Variants in CACNA1I observed in about 807,000 individuals in gnomAD.
The protein encoded by CACNA1I is calcium voltage-gated channel subunit alpha1 I, also known as voltage-dependent T-type calcium channel subunit alpha-1I.
A neutral mutation model predicts 201.6 loss-of-function variants in CACNA1I; 74 were observed. The ratio of observed to expected loss-of-function variants is 0.37; its 90% CI spans 0.30 to 0.45. The LOEUF is 0.45. CACNA1I is among the 20% of genes least tolerant of loss of function. CACNA1I has a pLI of 1.00. For missense variants in CACNA1I, 2,346 were observed against 3,138.1 expected (o/e 0.75, Z 6.03); for synonymous variants, 1,431 against 1,345.2 (o/e 1.06, Z -1.40).
intron 27 of CACNA1I, 52 bp from the exon 28 acceptor site, chr22:39,672,897 C>T: frequency 6.4e-7 from 1 of 1,568,888 alleles, no homozygotes; most frequent in Non-Finnish European, 8.7e-7. Context: ...GTGTCTGAAC[C>T]AGAGGGATCC....
chr22:39,646,534 T>C, intron 7 of CACNA1I, 35 bp from the exon 8 acceptor site: 1 of 1,506,452 alleles, frequency 6.6e-7, no homozygotes, highest in Non-Finnish European at 8.9e-7. Flanking sequence ...TCCATCCCTG[T>C]CCCTGTCCCT....
Position 39,662,574 on chromosome 22 carries a change from G to C in CACNA1I, c.3372+139G>C, listed in dbSNP as rs898604616. The C allele has an allele frequency of 4.1e-6, 3 of 732,318 alleles. No individual in the cohort carries two copies. The African/African-American group carries it at 5.4e-5, about 13-fold the overall frequency. 45.4% of individuals were successfully genotyped at this position (732,318 alleles called of 1,614,324 possible). A position where few individuals can be genotyped will look rare whatever the true frequency, so the allele number is the denominator to read the frequency against. ...GTGGCCGGAGCGGCTAGGGCTTCAG[G>C]TGTGAGGCAGGAGGGGTGGGGCCAG... On this transcript the variant is annotated intron_variant, in intron 17 of 36. Coordinates refer to ENST00000402142, the MANE Select transcript of CACNA1I (RefSeq NM_021096.4).
intron 1 of CACNA1I, among the ~76,000 whole-genome samples, chr22:39,592,586 C>T (rs3788560): frequency 0.057 from 8,624 of 152,254 alleles, 276 homozygotes; most frequent in Non-Finnish European, 0.062. Flanking sequence ...CTTGGATGCC[C>T]GTCGCAGGGC....
chr22:39,636,466 G>A (rs1308333635), intron 5 of CACNA1I, among the ~76,000 whole-genome samples: 2 of 152,352 alleles, frequency 1.3e-5, no homozygotes, highest in Non-Finnish European at 2.9e-5. Flanking sequence ...CTCTTAGGGT[G>A]GGTGTTATTA....
rs781699909 is a variant in CACNA1I at position 39,642,782 on chromosome 22, C to T, written c.1057-15C>T. ...GGGCCAGTCCTCTCGGCTCTCTCTC[C>T]TCTGCGCGCTGCAGGTGATCACTCT... On this transcript the variant is annotated splice_polypyrimidine_tract_variant and intron_variant, in intron 6 of 36. Coordinates refer to ENST00000402142, the MANE Select transcript of CACNA1I (RefSeq NM_021096.4). 14 of 1,593,108 alleles carry T rather than the reference C, an allele frequency of 8.8e-6. No individual in the cohort carries two copies. Among genetic ancestry groups the T allele is most frequent in the African/African-American group, 4.0e-5 (3 of 74,696 alleles).
chr22:39,598,342 C>G, intron 2 of CACNA1I, 80 bp downstream of exon 2: 1 of 706,210 alleles, frequency 1.4e-6, no homozygotes, highest in Non-Finnish European at 2.4e-6. Context: ...TCCACACCCC[C>G]GCCCCATGTC....
intron 1 of CACNA1I, among the ~76,000 whole-genome samples, chr22:39,576,824 G>C (rs181148797): frequency 2.0e-5 from 3 of 152,330 alleles, no homozygotes; most frequent in Non-Finnish European, 4.4e-5. Flanking sequence ...CCGCCTCTGT[G>C]CCTTCGTGTT....
In CACNA1I at chr22:39,662,782, T is replaced by C; in HGVS notation, c.3379T>C (p.Cys1127Arg). Reference sequence around the variant, plus strand: ...TCCGTCCTCCTCTTGCTAGACCCTGTGCTTCCGCGTCCGCAAGATGATCGA... The same window carrying C: ...TCCGTCCTCCTCTTGCTAGACCCTGCGCTTCCGCGTCCGCAAGATGATCGA... ...EDEEEIDYTL[C>R]FRVRKMIDVY... The change falls in exon 18 of 37, where the codon TGC becomes CGC. Residue 1127 changes from cysteine to arginine, a missense_variant. Cys to Arg is a radical substitution (Grantham distance 180). Around this residue, in one of 13 missense-constraint regions of CACNA1I, gnomAD observed 158 missense variants for 231.6 expected, o/e 0.68. Transcript: ENST00000402142. The C allele has an allele frequency of 6.3e-7, 1 of 1,582,998 alleles. No homozygotes were observed. Among genetic ancestry groups the C allele is most frequent in the Non-Finnish European group, 8.6e-7 (1 of 1,164,720 alleles).
At chr22:39,587,652 T>A (rs1383828386) in intron 1 of CACNA1I, 1 of 409,168 alleles carries the variant, frequency 2.4e-6, no homozygotes, top group Non-Finnish European at 4.8e-6. Flanking sequence ...ACTGTGTCCT[T>A]GGGCAAGGCT....
chr22:39,673,732 G>A (rs569367308), intron 28 of CACNA1I, among the ~76,000 whole-genome samples: 7 of 152,138 alleles, frequency 4.6e-5, no homozygotes, highest in East Asian at 1.9e-4. Context: ...CCCCGTCCTC[G>A]GGGGCTTTTC....
At chr22:39,658,035 G>T in intron 10 of CACNA1I, 117 bp from the exon 11 acceptor site, 2 of 1,012,268 alleles carry the variant, frequency 2.0e-6, no homozygotes, top group South Asian at 1.5e-5. Context: ...GGGAGACGGA[G>T]GTATGGTGAG....
chr22:39,588,128 ATTTTTTTTT>A (rs35332612), intron 1 of CACNA1I, among the ~76,000 whole-genome samples: 1 of 90,564 alleles, frequency 1.1e-5, no homozygotes, highest in African/African-American at 4.5e-5. Context: ...GTTGCTCTTC[ATTTTTTTTT>A]TTTTTTTTTT....
At chr22:39,583,031 ACCAT>A (rs59155285) in intron 1 of CACNA1I, among the ~76,000 whole-genome samples, 23,603 of 116,166 alleles carry the variant, frequency 0.2, 2,946 homozygotes, top group African/African-American at 0.38. Flanking sequence ...CAAGCACCCA[ACCAT>A]CCATCCATCC....
intron 24 of CACNA1I, among the ~76,000 whole-genome samples, chr22:39,668,604 C>A (rs142107880): frequency 7.3e-4 from 111 of 152,312 alleles, no homozygotes; most frequent in African/African-American, 2.6e-3. Context: ...GCAAACCCCC[C>A]CACTTTGTGT....
intron 5 of CACNA1I, among the ~76,000 whole-genome samples, chr22:39,635,689 G>A (rs941431): frequency 0.37 from 55,733 of 151,912 alleles, 11,259 homozygotes; most frequent in East Asian, 0.9. Context: ...CCCCAGAAGA[G>A]GCAGGTCCTG....
chr22:39,683,816 T>C (rs563998637), intron 35 of CACNA1I, among the ~76,000 whole-genome samples: 1 of 149,846 alleles, frequency 6.7e-6, no homozygotes, highest in East Asian at 2.0e-4. Flanking sequence ...GTGTAGCGCC[T>C]GACCCGGGGC....
At chr22:39,596,039 C>CAA (rs1182522477) in intron 1 of CACNA1I, among the ~76,000 whole-genome samples, 1 of 147,098 alleles carries the variant, frequency 6.8e-6, no homozygotes, top group African/African-American at 2.5e-5. Flanking sequence ...ACAGCACATG[C>CAA]AAAGGCCCTG....
In CACNA1I at chr22:39,677,002, C is replaced by T. The variant is rs1298883370; in HGVS notation, c.4855-339C>T. 6.6e-6 allele frequency among the ~76,000 whole-genome samples: 1 copy of T among 152,216 alleles called. No individual in the cohort carries two copies. Among genetic ancestry groups the T allele is most frequent in the African/African-American group, 2.4e-5 (1 of 41,442 alleles). On this transcript the variant is annotated intron_variant, in intron 29 of 36. Coordinates refer to ENST00000402142, the MANE Select transcript of CACNA1I (RefSeq NM_021096.4). The surrounding 1 kb of genome is among the most constrained non-coding windows in gnomAD (Gnocchi z 4.8). ...ACTCTGGACAAGTGATGTCACCTCT[C>T]AGTCTGTCTCCTTCTTCTTCTGAAG... is the stretch of plus-strand genomic sequence containing the variant.
chr22:39,635,339 AG>A (rs113495153), intron 5 of CACNA1I, among the ~76,000 whole-genome samples: 29 of 150,378 alleles, frequency 1.9e-4, no homozygotes, highest in Non-Finnish European at 2.8e-4. Context: ...ATGCGGCAGA[AG>A]GGGGGGGGTC....
Sources: allele counts gnomAD v4.1 joint callset (sites outside exome capture counted in the v4.1 genomes callset), GRCh38; gene constraint gnomAD v4.1.1; regional missense constraint gnomAD v4.1.1; non-coding constraint Gnocchi (gnomAD v3.1); transcripts MANE v1.5; gene names NCBI Gene and HGNC (gene_info 2026-07-23, HGNC 2026-07-21).